ZFPM2: variants seen among roughly 807,000 people sequenced by gnomAD.
ZFPM2 encodes the protein zinc finger protein, FOG family member 2, also known as zinc finger protein ZFPM2.
A neutral mutation model predicts 98.6 loss-of-function variants in ZFPM2; 20 were observed. That is an observed-to-expected ratio of 0.20 (90% CI 0.14 to 0.29). The LOEUF is 0.29. Among genes scored for constraint, ZFPM2 ranks in the 10% least tolerant of loss-of-function variants. The probability of loss-of-function intolerance (pLI) is 1.00; values close to 1 mark genes in which losing one functional copy is unlikely to be tolerated. For synonymous variants in ZFPM2, 518 were observed against 502.7 expected (o/e 1.03, Z -0.41); for missense variants, 1,310 against 1,388.6 (o/e 0.94, Z 0.90).
chr8:105,785,362 T>C (rs2131125329), intron 5 of ZFPM2: 1 of 151,904 alleles, frequency 6.6e-6, no homozygotes, highest in African/African-American at 2.4e-5. Flanking sequence ...GACTTTGCAG[T>C]TGGACAGACA....
chr8:105,655,059 A>G (rs1817256203), intron 5 of ZFPM2, among the ~76,000 whole-genome samples: 1 of 152,140 alleles, frequency 6.6e-6, no homozygotes, highest in African/African-American at 2.4e-5. Context: ...GATAAATAAA[A>G]TCCGAGGAAT....
chr8:105,788,213 T>C (rs1813479104), intron 5 of ZFPM2, among the ~76,000 whole-genome samples: 1 of 152,204 alleles, frequency 6.6e-6, no homozygotes, highest in Admixed American at 6.5e-5. Context: ...TTTAGGAGTT[T>C]TTGTTTACTT....
At chr8:105,734,365 C>T (rs952239291) in intron 5 of ZFPM2, among the ~76,000 whole-genome samples, 1 of 151,796 alleles carries the variant, frequency 6.6e-6, no homozygotes, top group African/African-American at 2.4e-5. Flanking sequence ...AACACTTCTC[C>T]AAATGTTTAC....
intron 3 of ZFPM2, among the ~76,000 whole-genome samples, chr8:105,502,615 T>C (rs541203314): frequency 5.3e-4 from 80 of 152,366 alleles, no homozygotes; most frequent in African/African-American, 1.9e-3. Context: ...AAGCAAAAGT[T>C]AGTGGGTAGC....
chr8:105,603,598 A>T (rs1816138419), intron 4 of ZFPM2, among the ~76,000 whole-genome samples: 2 of 152,120 alleles, frequency 1.3e-5, no homozygotes, highest in Admixed American at 1.3e-4. Flanking sequence ...ATCTATGTTT[A>T]GAGAATATTC....
intron 5 of ZFPM2, among the ~76,000 whole-genome samples, chr8:105,721,717 C>A (rs569432149): frequency 6.6e-6 from 1 of 151,896 alleles, no homozygotes; most frequent in Non-Finnish European, 1.5e-5. Flanking sequence ...CTTCATCAGG[C>A]CTTCTATCCA....
At chr8:105,408,737 G>A (rs934037612) in intron 1 of ZFPM2, among the ~76,000 whole-genome samples, 1 of 151,676 alleles carries the variant, frequency 6.6e-6, no homozygotes, top group African/African-American at 2.4e-5. Flanking sequence ...CAGGCTTAGC[G>A]AGAATATTCA....
intron 5 of ZFPM2, among the ~76,000 whole-genome samples, chr8:105,711,178 G>A (rs1811386957): frequency 6.6e-6 from 1 of 151,930 alleles, no homozygotes; most frequent in South Asian, 2.1e-4. Flanking sequence ...GAATATTTGG[G>A]ACACAAAGTC....
chr8:105,564,673 C>A (rs866265149), intron 4 of ZFPM2, among the ~76,000 whole-genome samples: 12 of 152,182 alleles, frequency 7.9e-5, no homozygotes, highest in Non-Finnish European at 1.8e-4. Flanking sequence ...GACTCTGCCA[C>A]ACTGCATTCT....
chr8:105,705,100 A>C (rs1213220396), intron 5 of ZFPM2, among the ~76,000 whole-genome samples: 1 of 152,196 alleles, frequency 6.6e-6, no homozygotes, highest in Non-Finnish European at 1.5e-5. Context: ...TAGTCAAAGC[A>C]TGTTATCATA....
intron 5 of ZFPM2, among the ~76,000 whole-genome samples, chr8:105,634,704 A>G (rs1586164526): frequency 6.6e-6 from 1 of 152,194 alleles, no homozygotes; most frequent in Non-Finnish European, 1.5e-5. Context: ...ATCTATCAAA[A>G]AGTAAAATCC....
intron 3 of ZFPM2, among the ~76,000 whole-genome samples, chr8:105,529,658 T>A (rs566403550): frequency 6.7e-6 from 1 of 149,302 alleles, no homozygotes; most frequent in East Asian, 2.0e-4. Flanking sequence ...TAGGAAGAAA[T>A]CATCCACCAA....
rs748527372 is a variant in ZFPM2, at chr8:105,803,088, T to C, written c.3006T>C (p.Thr1002=). The change falls in exon 8 of 8, where the codon ACT becomes ACC. Residue 1002 remains threonine (T), a synonymous_variant. Coordinates refer to ENST00000407775, the MANE Select transcript of ZFPM2 (RefSeq NM_012082.4). ...YISGSLVIHN[T]DIEQSRNAEN... ...CTGGTTCTCTTGTCATCCATAACAC[T>C]GACATCGAGCAAAGCAGAAATGCAG... is the stretch of plus-strand genomic sequence containing the variant. 2 of 1,613,932 alleles carry C rather than the reference T, an allele frequency of 1.2e-6. No homozygotes were observed. The highest frequency in any genetic ancestry group is 1.7e-5 in the Admixed American group (1 of 60,000).
At chr8:105,721,796 GTGT>G (rs1211856736) in intron 5 of ZFPM2, among the ~76,000 whole-genome samples, 1 of 151,930 alleles carries the variant, frequency 6.6e-6, no homozygotes, top group Non-Finnish European at 1.5e-5. Context: ...ACGAGAACAT[GTGT>G]TGAAACCTAT....
chr8:105,489,462 A>G (rs1393877983), intron 3 of ZFPM2, among the ~76,000 whole-genome samples: 1 of 68,654 alleles, frequency 1.5e-5, no homozygotes, highest in Non-Finnish European at 2.7e-5. Flanking sequence ...ATATATATAT[A>G]TATATTTTTT....
chr8:105,508,505 G>T (rs1245112755), intron 3 of ZFPM2, among the ~76,000 whole-genome samples: 3 of 152,052 alleles, frequency 2.0e-5, no homozygotes, highest in East Asian at 1.9e-4. Flanking sequence ...TTTAATAAGA[G>T]ACCTTAACCA....
intron 3 of ZFPM2, among the ~76,000 whole-genome samples, chr8:105,538,280 GAAGA>G (rs139205150): frequency 0.027 from 4,093 of 152,128 alleles, 81 homozygotes; most frequent in Non-Finnish European, 0.045. Flanking sequence ...TTACTTTGAG[GAAGA>G]AAGAAACTAT....
chr8:105,779,897 T>C (rs1813201864), intron 5 of ZFPM2, among the ~76,000 whole-genome samples: 1 of 152,166 alleles, frequency 6.6e-6, no homozygotes, highest in Admixed American at 6.5e-5. Flanking sequence ...TATAATCGAG[T>C]TTGAACTGTG....
rs542805721 is a variant in ZFPM2 at position 105,359,380 on chromosome 8, T to G, written c.40+40399T>G. 1.1e-4 allele frequency among the ~76,000 whole-genome samples: 17 copies of G among 150,850 alleles called. No homozygotes were observed. The East Asian group carries it at 1.2e-3, about 10-fold the overall frequency. On this transcript the variant is annotated intron_variant, in intron 1 of 7. Coordinates refer to ENST00000407775, the MANE Select transcript of ZFPM2 (RefSeq NM_012082.4). ...TTCTTTTTCTTTCTTTTTTTTTTTTTTTGTTGTTGTTTTGAGACAGAGTCT... is the reference window on the plus strand; with the variant it reads ...TTCTTTTTCTTTCTTTTTTTTTTTTGTTGTTGTTGTTTTGAGACAGAGTCT...
Sources: allele counts gnomAD v4.1 joint callset (sites outside exome capture counted in the v4.1 genomes callset), GRCh38; gene constraint gnomAD v4.1.1; transcripts MANE v1.5; gene names NCBI Gene and HGNC (gene_info 2026-07-23, HGNC 2026-07-21).